ARHGAP39: variants seen among roughly 807,000 people sequenced by gnomAD.
ARHGAP39 encodes rho GTPase-activating protein 39.
In ARHGAP39, 44 loss-of-function variants were observed where a neutral mutation model predicts 106.9. The ratio of observed to expected loss-of-function variants is 0.41; its 90% CI spans 0.32 to 0.53. ARHGAP39 has a LOEUF of 0.53. Ranked by LOEUF, ARHGAP39 falls within the 20% of genes least tolerant of loss-of-function variation. ARHGAP39 has a pLI of 0.21. For synonymous variants in ARHGAP39, 768 were observed against 693.2 expected (o/e 1.11, Z -1.69); for missense variants, 1,496 against 1,577.3 (o/e 0.95, Z 0.87).
intron 3 of ARHGAP39, among the ~76,000 whole-genome samples, chr8:144,562,166 C>T (rs1564849122): frequency 6.7e-6 from 1 of 149,666 alleles, no homozygotes; most frequent in Non-Finnish European, 1.5e-5. Context: ...CATCAGACCC[C>T]AGTGCTTTCC....
rs1423412159 is a variant in ARHGAP39 at position 144,605,623 on chromosome 8, G to A, written c.-9C>T. 2 of 1,612,574 alleles carry A rather than the reference G, an allele frequency of 1.2e-6. No homozygotes were observed. The highest frequency in any genetic ancestry group is 1.7e-6 in the Non-Finnish European group (2 of 1,180,002). ...TCCTGCGTCTGGGACATCGCTGTTT[G>A]CTTCCGCGCCCACGTGGACAGACGT... On this transcript the variant is annotated 5_prime_UTR_variant, in exon 2 of 12. Transcript: ENST00000377307.
upstream of ARHGAP39, among the ~76,000 whole-genome samples, chr8:144,686,913 ACCACACACT>A (rs1563738832): frequency 2.0e-3 from 279 of 138,440 alleles, 15 homozygotes; most frequent in Non-Finnish European, 3.0e-3. Flanking sequence ...CACCCCCGTG[ACCACACACT>A]GGCGGCGACC....
chr8:144,667,295 A>T (rs1821988612), intron 1 of ARHGAP39, among the ~76,000 whole-genome samples: 1 of 152,010 alleles, frequency 6.6e-6, no homozygotes, highest in Non-Finnish European at 1.5e-5. Context: ...TGCACTGGGC[A>T]TTCCCTCTGC....
intron 2 of ARHGAP39, among the ~76,000 whole-genome samples, chr8:144,597,345 C>G (rs1272267577): frequency 6.6e-6 from 1 of 152,232 alleles, no homozygotes; most frequent in Non-Finnish European, 1.5e-5. Context: ...AACGTCTTCT[C>G]TGGGTGGGGC....
At chr8:144,560,697 C>T (rs925889977) in intron 3 of ARHGAP39, among the ~76,000 whole-genome samples, 7 of 152,130 alleles carry the variant, frequency 4.6e-5, no homozygotes, top group East Asian at 1.9e-4. Flanking sequence ...CAGCGGTGCG[C>T]GGGTTACTCT....
In ARHGAP39 at chr8:144,531,174, T is replaced by A. The variant is rs556018121; in HGVS notation, c.2981-303A>T. On this transcript the variant is annotated intron_variant, in intron 10 of 11. Transcript: ENST00000377307. ...GGGGTGTCTGCAGAGCAGGCACAGC[T>A]GAAGGGCACAGGGCAGAGAGCAGCA... Among the ~76,000 whole-genome samples the A allele has an allele frequency of 6.9e-4, 104 of 150,440 alleles. 2 individuals are homozygous for A. The highest frequency in any genetic ancestry group is 1.9e-3 in the African/African-American group (79 of 40,746).
rs1821483126 is a variant in ARHGAP39, at chr8:144,647,794, G to A, written c.-82+37892C>T. ...ATGCGTCCACGGGGACCCCAAGAGA[G>A]GGAACCAGAGGGAACAATGGAGAAC... is the stretch of plus-strand genomic sequence containing the variant. On this transcript the variant is annotated intron_variant, in intron 1 of 11. Transcript: ENST00000377307. This position sits in a 1 kb window ranked among gnomAD's most constrained non-coding sequence, Gnocchi z 4.8. Among the ~76,000 whole-genome samples the A allele has an allele frequency of 6.6e-6, 1 of 152,238 alleles. No individual in the cohort carries two copies. Among genetic ancestry groups the A allele is most frequent in the Non-Finnish European group, 1.5e-5 (1 of 68,048 alleles).
At chr8:144,607,835 T>A (rs1820350270) in intron 1 of ARHGAP39, among the ~76,000 whole-genome samples, 1 of 152,194 alleles carries the variant, frequency 6.6e-6, no homozygotes, top group Non-Finnish European at 1.5e-5. Context: ...ATTTTAATGC[T>A]TGGGACTGCT....
intron 1 of ARHGAP39, among the ~76,000 whole-genome samples, chr8:144,656,137 T>C (rs1821686092): frequency 6.7e-6 from 1 of 148,196 alleles, no homozygotes; most frequent in Non-Finnish European, 1.5e-5. Flanking sequence ...AAGATAATAC[T>C]GGATAAAAAC....
intron 3 of ARHGAP39, among the ~76,000 whole-genome samples, chr8:144,577,778 T>A (rs1002296791): frequency 6.6e-6 from 1 of 151,918 alleles, no homozygotes. Context: ...TACAACAGCA[T>A]CAAAAAGAAT....
intron 6 of ARHGAP39, among the ~76,000 whole-genome samples, chr8:144,544,413 C>G (rs1817317885): frequency 6.6e-6 from 1 of 152,256 alleles, no homozygotes; most frequent in Non-Finnish European, 1.5e-5. Context: ...AAGGCCAGAC[C>G]AGGGTGGGCT....
intron 3 of ARHGAP39, among the ~76,000 whole-genome samples, chr8:144,571,845 AACAG>A (rs1359578784): frequency 5.9e-5 from 9 of 152,338 alleles, no homozygotes; most frequent in East Asian, 1.9e-4. Context: ...ATACACCAAT[AACAG>A]ACAGCCAAAT....
At position 144,611,957 on chromosome 8, in the gene ARHGAP39, C is replaced by T. The variant is rs539673946; in HGVS notation, c.-81-6262G>A. On this transcript the variant is annotated intron_variant, in intron 1 of 11. Transcript: ENST00000377307. The stretch of plus-strand genomic sequence containing the variant: ...CTGGGAGGTGGAGGTTGCAGTGGGC[C>T]GAGATTGCACCATTGTACTCCAACC... Among the ~76,000 whole-genome samples the T allele has an allele frequency of 1.2e-3, 181 of 150,772 alleles. 1 individual carries two copies. The highest frequency in any genetic ancestry group is 3.4e-3 in the Middle Eastern group (1 of 294).
chr8:144,635,041 C>G (rs1821141651), intron 1 of ARHGAP39, among the ~76,000 whole-genome samples: 1 of 152,268 alleles, frequency 6.6e-6, no homozygotes, highest in African/African-American at 2.4e-5. Flanking sequence ...GGTGTTCCCA[C>G]AAAGGATTCT....
intron 3 of ARHGAP39, among the ~76,000 whole-genome samples, chr8:144,580,422 T>C (rs1028186778): frequency 6.6e-6 from 1 of 152,178 alleles, no homozygotes; most frequent in African/African-American, 2.4e-5. Context: ...AGGGGCAGGG[T>C]TGGAGGACCC....
Position 144,647,735 on chromosome 8 carries a change from C to T in ARHGAP39, c.-82+37951G>A, listed in dbSNP as rs1007561314. ...AATGCAGAATGCAGAGAAAGCAAGACGCCGTGCCAGGGGAGGGCAGCTGGA... is the reference window on the plus strand; with the variant it reads ...AATGCAGAATGCAGAGAAAGCAAGATGCCGTGCCAGGGGAGGGCAGCTGGA... On this transcript the variant is annotated intron_variant, in intron 1 of 11. Transcript: ENST00000377307. The surrounding 1 kb of genome is among the most constrained non-coding windows in gnomAD (Gnocchi z 4.8). Among the ~76,000 whole-genome samples the T allele has an allele frequency of 2.6e-5, 4 of 152,342 alleles. No individual in the cohort carries two copies. The highest frequency in any genetic ancestry group is 2.1e-4 in the South Asian group (1 of 4,824).
At chr8:144,567,567 C>T (rs565940556) in intron 3 of ARHGAP39, among the ~76,000 whole-genome samples, 4 of 152,270 alleles carry the variant, frequency 2.6e-5, no homozygotes, top group African/African-American at 7.2e-5. Context: ...CAGTCAGGCT[C>T]GCCTGCAGTT....
chr8:144,620,768 C>T (rs1013622248), intron 1 of ARHGAP39, among the ~76,000 whole-genome samples: 15 of 152,238 alleles, frequency 9.9e-5, no homozygotes, highest in South Asian at 2.1e-4. Flanking sequence ...CATCCACCTG[C>T]GTCTCCAGGA....
chr8:144,680,736 G>A (rs1241635618), intron 1 of ARHGAP39, among the ~76,000 whole-genome samples: 1 of 152,076 alleles, frequency 6.6e-6, no homozygotes, highest in Non-Finnish European at 1.5e-5. Flanking sequence ...GGAGGGGAAA[G>A]CCACACTAAA....
Sources: allele counts gnomAD v4.1 joint callset (sites outside exome capture counted in the v4.1 genomes callset), GRCh38; gene constraint gnomAD v4.1.1; non-coding constraint Gnocchi (gnomAD v3.1); transcripts MANE v1.5; gene names NCBI Gene and HGNC (gene_info 2026-07-23, HGNC 2026-07-21).